Variants in DGKG observed in about 807,000 individuals in gnomAD.
DGKG encodes diacylglycerol kinase gamma.
Under a neutral mutation model 105.3 loss-of-function variants are expected in DGKG, and 78 were observed. That is an observed-to-expected ratio of 0.74 (90% CI 0.62 to 0.89). DGKG has a LOEUF of 0.89. Ranked by LOEUF, DGKG falls within the 40% of genes least tolerant of loss-of-function variation. The pLI, the probability that DGKG is intolerant of heterozygous loss-of-function variation, is 0.00. For synonymous variants in DGKG, 346 were observed against 367.1 expected (o/e 0.94, Z 0.66); for missense variants, 958 against 1,020.1 (o/e 0.94, Z 0.83).
chr3:186,156,768 G>A (rs910589203), intron 24 of DGKG, among the ~76,000 whole-genome samples: 1 of 151,196 alleles, frequency 6.6e-6, no homozygotes, highest in African/African-American at 2.4e-5. Context: ...GATATTTTAA[G>A]CTTTAATTAT....
At chr3:186,291,589 A>G (rs929066862) in intron 5 of DGKG, among the ~76,000 whole-genome samples, 2 of 152,246 alleles carry the variant, frequency 1.3e-5, no homozygotes, top group African/African-American at 4.8e-5. Flanking sequence ...GATATATACA[A>G]AATGGATAAA....
At chr3:186,243,418 A>G (rs914002528) in intron 19 of DGKG, among the ~76,000 whole-genome samples, 15 of 151,926 alleles carry the variant, frequency 9.9e-5, no homozygotes, top group Non-Finnish European at 1.8e-4. Flanking sequence ...TCCTCTGACC[A>G]CAACTCCCTA....
At chr3:186,345,800 C>T (rs1266780666) in intron 1 of DGKG, among the ~76,000 whole-genome samples, 1 of 152,178 alleles carries the variant, frequency 6.6e-6, no homozygotes, top group East Asian at 1.9e-4. Context: ...GACCGAGTCT[C>T]GCTCTGTCGC....
At chr3:186,228,727 C>T (rs1719979414) in intron 20 of DGKG, among the ~76,000 whole-genome samples, 2 of 152,204 alleles carry the variant, frequency 1.3e-5, no homozygotes, top group Non-Finnish European at 1.5e-5. Flanking sequence ...CTGTCTCCAG[C>T]GCTCATGCAA....
At chr3:186,321,669 A>G (rs552933420) in intron 1 of DGKG, among the ~76,000 whole-genome samples, 13 of 152,350 alleles carry the variant, frequency 8.5e-5, no homozygotes, top group South Asian at 6.2e-4. Context: ...GGAGCATATG[A>G]GCAGTGCTGG....
chr3:186,272,434 C>T (rs1198518759), intron 10 of DGKG, 91 bp from the exon 11 acceptor site: 2 of 908,140 alleles, frequency 2.2e-6, no homozygotes, highest in East Asian at 2.6e-5. Context: ...GTCTGTACCT[C>T]CCTTTGGGTG....
At chr3:186,238,158 G>C (rs150472224) in intron 20 of DGKG, among the ~76,000 whole-genome samples, 3 of 151,848 alleles carry the variant, frequency 2.0e-5, no homozygotes, top group Admixed American at 6.6e-5. Context: ...TTAGCCAGGC[G>C]TGGTGGTGTG....
intron 1 of DGKG, among the ~76,000 whole-genome samples, chr3:186,348,581 A>G (rs926118435): frequency 1.3e-5 from 2 of 150,926 alleles, no homozygotes; most frequent in South Asian, 4.2e-4. Flanking sequence ...CCTCCCAAGT[A>G]GCTGGGACTC....
chr3:186,197,733 TTA>T (rs1018654650), intron 21 of DGKG, among the ~76,000 whole-genome samples: 2 of 152,096 alleles, frequency 1.3e-5, no homozygotes, highest in Non-Finnish European at 2.9e-5. Flanking sequence ...TAAATGTCAG[TTA>T]TAGTAGCCTG....
intron 5 of DGKG, among the ~76,000 whole-genome samples, chr3:186,297,068 T>TCACACACACACACACACACACACACACA (rs55826465): frequency 1.5e-4 from 20 of 130,416 alleles, no homozygotes; most frequent in East Asian, 4.5e-4. Context: ...TCTGTCTCTC[T>TCACACACACACACACACACACACACACA]CACACACACA....
chr3:186,205,666 C>A (rs939468197), intron 21 of DGKG, among the ~76,000 whole-genome samples: 1 of 150,844 alleles, frequency 6.6e-6, no homozygotes, highest in Non-Finnish European at 1.5e-5. Flanking sequence ...GCTGAGATTG[C>A]ACCACCGCAC....
At position 186,210,293 on chromosome 3, in the gene DGKG, G is replaced by A. The variant is rs1357863900; in HGVS notation, c.1917+1502C>T. Among the ~76,000 whole-genome samples the A allele has an allele frequency of 6.6e-6, 1 of 152,216 alleles. No individual in the cohort carries two copies. The highest frequency in any genetic ancestry group is 1.5e-5 in the Non-Finnish European group (1 of 68,038). ...ACCTCACCAGACGGCTGTGCCAAGG[G>A]GAAAAAATGCACACATATCCCTGTT... On this transcript the variant is annotated intron_variant, in intron 21 of 24. Transcript: ENST00000265022. This position sits in a 1 kb window ranked among gnomAD's most constrained non-coding sequence, Gnocchi z 5.2.
chr3:186,178,278 T>C (rs1717188283), intron 22 of DGKG, among the ~76,000 whole-genome samples: 1 of 152,190 alleles, frequency 6.6e-6, no homozygotes, highest in Non-Finnish European at 1.5e-5. Context: ...AATACCAACA[T>C]TCAGGCTGTG....
intron 11 of DGKG, among the ~76,000 whole-genome samples, chr3:186,271,942 C>A (rs993289665): frequency 6.6e-6 from 1 of 152,236 alleles, no homozygotes; most frequent in African/African-American, 2.4e-5. Context: ...AGCTGTGTTA[C>A]TGTAGCACAC....
intron 15 of DGKG, 65 bp from the exon 16 acceptor site, chr3:186,260,578 G>C: frequency 7.8e-7 from 1 of 1,275,842 alleles, no homozygotes; most frequent in Non-Finnish European, 1.1e-6. Flanking sequence ...ATCGTGAGAA[G>C]TCACATTAGG....
chr3:186,355,988 A>G (rs141809863), intron 1 of DGKG, among the ~76,000 whole-genome samples: 131 of 152,316 alleles, frequency 8.6e-4, no homozygotes, highest in African/African-American at 2.9e-3. Context: ...TGCTTCTTTG[A>G]CAAGATTATT....
chr3:186,359,291 A>T (rs958980807), intron 1 of DGKG, among the ~76,000 whole-genome samples: 6 of 152,200 alleles, frequency 3.9e-5, no homozygotes, highest in African/African-American at 7.2e-5. Flanking sequence ...GCATCTATCC[A>T]AAGGAAGTAA....
intron 22 of DGKG, among the ~76,000 whole-genome samples, chr3:186,176,664 C>T (rs138110690): frequency 6.6e-6 from 1 of 152,192 alleles, no homozygotes; most frequent in Non-Finnish European, 1.5e-5. Context: ...TCAATTAACC[C>T]TCCCTGGGCC....
In DGKG at chr3:186,284,483, G is replaced by A. The variant is rs562882987; in HGVS notation, c.594+177C>T. On this transcript the variant is annotated intron_variant, in intron 7 of 24. Coordinates refer to ENST00000265022, the MANE Select transcript of DGKG (RefSeq NM_001346.3). The surrounding 1 kb of genome is among the most constrained non-coding windows in gnomAD (Gnocchi z 4.0). ...GTAAGTTGGCATTCACGCTCTGCAA[G>A]GCCGGCCCTTTGGAAATAGCGGGTG... Among the ~76,000 whole-genome samples the A allele has an allele frequency of 3.3e-5, 5 of 152,304 alleles. No homozygotes were observed. The South Asian group carries it at 1.0e-3, about 32-fold the overall frequency.
Sources: allele counts gnomAD v4.1 joint callset (sites outside exome capture counted in the v4.1 genomes callset), GRCh38; gene constraint gnomAD v4.1.1; non-coding constraint Gnocchi (gnomAD v3.1); transcripts MANE v1.5; gene names NCBI Gene and HGNC (gene_info 2026-07-23, HGNC 2026-07-21).